Variants in MSL3 observed in about 807,000 individuals in gnomAD.
The protein encoded by MSL3 is MSL complex subunit 3, also known as MSL3-like 1.
MSL3 carries 5 observed loss-of-function variants against 37.2 expected under a neutral mutation model. The observed-to-expected ratio is 0.13, with a 90% CI of 0.07 to 0.28. The LOEUF (loss-of-function observed/expected upper bound fraction) is 0.28. Ranked by LOEUF, MSL3 falls within the 10% of genes least tolerant of loss-of-function variation. MSL3 has a pLI of 1.00. For missense variants in MSL3, 315 were observed against 408.5 expected (o/e 0.77, Z 1.97); for synonymous variants, 149 against 147.6 (o/e 1.01, Z -0.07).
At chrX:11,762,778 G>A in intron 6 of MSL3, 59 bp from the exon 7 acceptor site, 1 of 1,061,011 alleles carries the variant, frequency 9.4e-7, no homozygotes, top group Non-Finnish European at 1.3e-6. Flanking sequence ...GTGTTTCTTG[G>A]AATATGTGGT....
chrX:11,758,873 AC>A (rs761123235), intron 1 of MSL3: 1 of 882,457 alleles, frequency 1.1e-6, no homozygotes, highest in Non-Finnish European at 1.6e-6. Flanking sequence ...TAGGCCGTGA[AC>A]CCCATCCCGA....
At position 11,760,478 on chromosome X, in the gene MSL3, A is replaced by C. The variant is rs2053121637; in HGVS notation, c.261A>C (p.Ala87=). 1.7e-6 allele frequency: 2 copies of C among 1,196,548 alleles called. No individual in the cohort carries two copies. Among genetic ancestry groups the C allele is most frequent in the African/African-American group, 3.5e-5 (2 of 57,046 alleles). Residue 87 remains alanine, a synonymous_variant, in exon 3 of 13, where the codon GCA becomes GCC. Coordinates refer to ENST00000312196, the MANE Select transcript of MSL3 (RefSeq NM_078629.4). ...DENRRLQRKL[A]RKAVARLRST... Reference sequence around the variant, plus strand: ...ATCGTAGATTACAGCGTAAATTGGCAAGAAAAGCTGTAGCTCGCCTGTAAG... The same window carrying C: ...ATCGTAGATTACAGCGTAAATTGGCCAGAAAAGCTGTAGCTCGCCTGTAAG...
chrX:11,764,498 G>A (rs1051927094), intron 8 of MSL3, among the ~76,000 whole-genome samples: 2 of 110,668 alleles, frequency 1.8e-5, no homozygotes, highest in Admixed American at 1.9e-4. Context: ...TTTTGAGGGG[G>A]CAGGGAGGGG....
At chrX:11,761,025 A>C in intron 4 of MSL3, 88 bp downstream of exon 4, 1 of 637,741 alleles carries the variant, frequency 1.6e-6, no homozygotes, top group Non-Finnish European at 2.4e-6. Flanking sequence ...ACAGGGAAAC[A>C]CTTCAAGCTC....
At chrX:11,770,999 G>A (rs980311555) in intron 10 of MSL3, among the ~76,000 whole-genome samples, 2 of 112,444 alleles carry the variant, frequency 1.8e-5, no homozygotes, top group Non-Finnish European at 1.9e-5. Flanking sequence ...GCAGAAGTGG[G>A]GCGCTGGGGG....
chrX:11,758,762 C>T, intron 1 of MSL3: 2 of 1,166,266 alleles, frequency 1.7e-6, no homozygotes, highest in Non-Finnish European at 2.3e-6. Flanking sequence ...ACGCCCTGGC[C>T]GTCCGATCCA....
chrX:11,758,659 G>A (rs2053096876), intron 1 of MSL3: 10 of 1,163,162 alleles, frequency 8.6e-6, no homozygotes, highest in Non-Finnish European at 1.1e-5. Context: ...TGCAACGGTG[G>A]CCGCTGAGGG....
chrX:11,765,615 C>T lies in MSL3; in HGVS notation c.1057C>T (p.Arg353Cys), dbSNP rs780120545. 8.3e-7 allele frequency: 1 copy of T among 1,211,292 alleles called. No individual in the cohort carries two copies. The highest frequency in any genetic ancestry group is 1.1e-6 in the Non-Finnish European group (1 of 895,094). ...ATTGCAGTCTCTGAGGCGGTCCACG[C>T]GCCACAGTGCCAACTGTGACAGGCT... ...EALQSLRRST[R>C]HSANCDRLSE... Residue 353 changes from arginine to cysteine, a missense_variant, in exon 9 of 13, where the codon CGC (arginine) becomes TGC (cysteine). Physicochemically the swap from Arg to Cys is radical, Grantham distance 180 (BLOSUM62 -3). Transcript: ENST00000312196.
At chrX:11,761,812 T>C (rs1293602624) in intron 5 of MSL3, among the ~76,000 whole-genome samples, 2 of 112,556 alleles carry the variant, frequency 1.8e-5, no homozygotes, top group Non-Finnish European at 3.8e-5. Flanking sequence ...ATAGTTATCT[T>C]TCTTTCCAGT....
At chrX:11,758,497 G>A in intron 1 of MSL3, 132 bp downstream of exon 1, 1 of 1,003,920 alleles carries the variant, frequency 1.0e-6, no homozygotes, top group African/African-American at 2.0e-5. Context: ...CGGTGCGGCC[G>A]GCAGGGGGCG....
At chrX:11,768,983 C>T (rs777861015) in intron 10 of MSL3, 4 of 200,880 alleles carry the variant, frequency 2.0e-5, no homozygotes, top group Non-Finnish European at 2.7e-5. Context: ...TAAATACTTT[C>T]GGCTTTGTGG....
In MSL3 at chrX:11,760,104, T is replaced by C. The variant is rs767884635; in HGVS notation, c.185+229T>C. 9 of 401,068 alleles carry C rather than the reference T, an allele frequency of 2.2e-5. No homozygotes were observed. The South Asian group carries it at 4.5e-4, about 20-fold the overall frequency. The allele number at this position is 401,068 out of a possible 1,213,427, so 33.1% of individuals were successfully genotyped here. On this transcript the variant is annotated intron_variant, in intron 2 of 12. Coordinates refer to ENST00000312196, the MANE Select transcript of MSL3 (RefSeq NM_078629.4). ...CTTCTTTAAGTTTTAGAAACACTTG[T>C]AGAGAAGTTTGATTCATTTCCTGTT...
At chrX:11,768,997 A>G (rs1191280701) in intron 10 of MSL3, 3 of 179,403 alleles carry the variant, frequency 1.7e-5, no homozygotes, top group African/African-American at 6.1e-5. Flanking sequence ...TTTGTGGGCC[A>G]TATGGTGTCT....
rs773721486 is a variant in MSL3 at position 11,759,937 on chromosome X, G to A, written c.185+62G>A. The A allele has an allele frequency of 2.3e-5, 26 of 1,138,595 alleles. No individual in the cohort carries two copies. In the East Asian group the frequency reaches 6.7e-4, roughly 29 times the overall value. The allele number at this position is 1,138,595 out of a possible 1,213,427, so 93.8% of individuals were successfully genotyped here. On this transcript the variant is annotated intron_variant, in intron 2 of 12. Coordinates refer to ENST00000312196, the MANE Select transcript of MSL3 (RefSeq NM_078629.4). ...GTCTTTGCTGCATAGAAACATTGCA[G>A]ACTTAAGTTTCAGAAACACTTGTAG...
At chrX:11,758,489 G>A in intron 1 of MSL3, 124 bp downstream of exon 1, 1 of 995,430 alleles carries the variant, frequency 1.0e-6, no homozygotes, top group Non-Finnish European at 1.3e-6. Flanking sequence ...GCGAGGAGCG[G>A]TGCGGCCGGC....
chrX:11,760,020 T>C, intron 2 of MSL3, 145 bp downstream of exon 2: 1 of 642,611 alleles, frequency 1.6e-6, no homozygotes, highest in Non-Finnish European at 2.3e-6. Flanking sequence ...CTTTAAGTTT[T>C]TGAAACACTT....
intron 12 of MSL3, 51 bp from the exon 13 acceptor site, chrX:11,774,929 T>C (rs769321927): frequency 1.0e-5 from 9 of 894,977 alleles, no homozygotes; most frequent in Non-Finnish European, 1.4e-5. Flanking sequence ...TTTTGCTTGA[T>C]GGTATTTAGT....
intron 10 of MSL3, 128 bp downstream of exon 10, chrX:11,768,810 C>A: frequency 2.1e-6 from 1 of 481,150 alleles, no homozygotes; most frequent in Admixed American, 3.4e-5. Context: ...CAAAATTGTA[C>A]GTAATTTTAT....
chrX:11,772,251 G>A lies in MSL3; in HGVS notation c.1377G>A (p.Leu459=), dbSNP rs2053238927. 8.4e-7 allele frequency: 1 copy of A among 1,191,745 alleles called. No homozygotes were observed. The highest frequency in any genetic ancestry group is 1.8e-5 in the African/African-American group (1 of 56,730). The change falls in exon 11 of 13, where the codon TTG becomes TTA. Residue 459 remains leucine, a synonymous_variant. Transcript: ENST00000312196. ...ATGGGGCACAACATTTGCTGCGATTGTTTGGTAAGAATCCTGGTTCCTGCC... is the reference window on the plus strand; with the variant it reads ...ATGGGGCACAACATTTGCTGCGATTATTTGGTAAGAATCCTGGTTCCTGCC... ...YIYGAQHLLR[L]FVKLPEILGK...
Sources: allele counts gnomAD v4.1 joint callset (sites outside exome capture counted in the v4.1 genomes callset), GRCh38; gene constraint gnomAD v4.1.1; transcripts MANE v1.5; gene names NCBI Gene and HGNC (gene_info 2026-07-23, HGNC 2026-07-21).